Variants in PCDH7 observed in about 807,000 individuals in gnomAD.
PCDH7 encodes protocadherin 7.
Under a neutral mutation model 58.9 loss-of-function variants are expected in PCDH7, and 17 were observed. The ratio of observed to expected loss-of-function variants is 0.29; its 90% CI spans 0.20 to 0.43. The LOEUF is 0.43. Among genes scored for constraint, PCDH7 ranks in the 20% least tolerant of loss-of-function variants. PCDH7 has a pLI of 1.00. For synonymous variants in PCDH7, 664 were observed against 616.4 expected, an observed-to-expected ratio of 1.08 and a Z score of -1.14; for missense variants, 1,274 against 1,441.0, an observed-to-expected ratio of 0.88 and a Z score of 1.88.
chr4:30,739,162 A>T (rs985631279), intron 1 of PCDH7, among the ~76,000 whole-genome samples: 2 of 138,212 alleles, frequency 1.4e-5, no homozygotes, highest in African/African-American at 5.3e-5. Flanking sequence ...TATATATATT[A>T]TATATATATA....
At chr4:30,850,509 A>G (rs899540741) in intron 1 of PCDH7, among the ~76,000 whole-genome samples, 10 of 152,066 alleles carry the variant, frequency 6.6e-5, no homozygotes, top group African/African-American at 2.4e-4. Context: ...ATCCATTTAA[A>G]GTCTATAAAC....
At chr4:30,774,835 T>G (rs754811030) in intron 1 of PCDH7, among the ~76,000 whole-genome samples, 11 of 152,194 alleles carry the variant, frequency 7.2e-5, no homozygotes, top group African/African-American at 1.4e-4. Flanking sequence ...ACTGATAGTA[T>G]TTCTTAATCT....
At chr4:31,042,779 A>G (rs940861970) in intron 3 of PCDH7, among the ~76,000 whole-genome samples, 1 of 152,178 alleles carries the variant, frequency 6.6e-6, no homozygotes, top group African/African-American at 2.4e-5. Flanking sequence ...GCATAAAGGA[A>G]TTACTGTAAA....
intron 3 of PCDH7, among the ~76,000 whole-genome samples, chr4:31,059,529 G>A (rs1757519095): frequency 6.6e-6 from 1 of 151,696 alleles, no homozygotes; most frequent in African/African-American, 2.4e-5. Flanking sequence ...TAAGCTCCAT[G>A]TCACTTCAGT....
chr4:30,868,892 AC>A (rs1165945397), intron 1 of PCDH7: 1 of 152,100 alleles, frequency 6.6e-6, no homozygotes, highest in Non-Finnish European at 1.5e-5. Context: ...TTTTGTCTTT[AC>A]TTGTTGAAGT....
intron 1 of PCDH7, among the ~76,000 whole-genome samples, chr4:30,872,999 CA>C (rs1735819955): frequency 6.6e-6 from 1 of 152,056 alleles, no homozygotes. Context: ...CCTTATTACT[CA>C]GCAAAAGGAA....
intron 3 of PCDH7, among the ~76,000 whole-genome samples, chr4:31,039,178 C>T (rs1022191566): frequency 4.6e-5 from 7 of 152,056 alleles, no homozygotes; most frequent in African/African-American, 7.2e-5. Flanking sequence ...TTCAATTTGG[C>T]ATTCTCCTTT....
At position 30,870,437 on chromosome 4, in the gene PCDH7, A is replaced by T. The variant is rs547218811; in HGVS notation, c.71-49716A>T. On this transcript the variant is annotated intron_variant, in intron 1 of 3. Coordinates refer to the PCDH7 transcript ENST00000509759. ...TTTTAGGTCTTATGTAAGTCTTTAGATTTACTTTAAAAATAAAAAAAGAAG... is the reference window on the plus strand; with the variant it reads ...TTTTAGGTCTTATGTAAGTCTTTAGTTTTACTTTAAAAATAAAAAAAGAAG... 4.0e-5 allele frequency among the ~76,000 whole-genome samples: 6 copies of T among 151,874 alleles called. No homozygotes were observed. The South Asian group carries it at 1.2e-3, about 32-fold the overall frequency.
chr4:30,805,260 C>T (rs1286849799), intron 1 of PCDH7, among the ~76,000 whole-genome samples: 1 of 152,118 alleles, frequency 6.6e-6, no homozygotes, highest in Non-Finnish European at 1.5e-5. Context: ...CAAGTACTTA[C>T]CTGTCTTTCC....
At chr4:30,947,715 CCTT>C (rs1746876865) in intron 2 of PCDH7, among the ~76,000 whole-genome samples, 1 of 152,096 alleles carries the variant, frequency 6.6e-6, no homozygotes, top group Non-Finnish European at 1.5e-5. Context: ...CATTCAGTGT[CCTT>C]CTTCTAGCTA....
rs539624457 is a variant in PCDH7, at chr4:30,783,924, A to G, written c.70+59328A>G. Among the ~76,000 whole-genome samples, 23 of 152,180 alleles carry G rather than the reference A, an allele frequency of 1.5e-4. No individual in the cohort carries two copies. In the East Asian group the frequency reaches 4.1e-3, roughly 27 times the overall value. Reference sequence around the variant, plus strand: ...GCTGCTCAAGGAATGATGTGGCTTCATCTGCATTTGTTTGTGTATGTGTGT... The same window carrying G: ...GCTGCTCAAGGAATGATGTGGCTTCGTCTGCATTTGTTTGTGTATGTGTGT... On this transcript the variant is annotated intron_variant, in intron 1 of 3. Transcript: ENST00000509759.
At chr4:30,925,470 A>G (rs900170422) in intron 2 of PCDH7, among the ~76,000 whole-genome samples, 3 of 152,122 alleles carry the variant, frequency 2.0e-5, no homozygotes, top group South Asian at 4.1e-4. Flanking sequence ...ATCCTCATAT[A>G]CTTTTTAATG....
intron 3 of PCDH7, among the ~76,000 whole-genome samples, chr4:31,096,235 T>C (rs1248035650): frequency 2.0e-5 from 3 of 152,178 alleles, no homozygotes; most frequent in African/African-American, 7.2e-5. Flanking sequence ...CTGTTTCTGG[T>C]CTTTAGAATA....
At chr4:31,014,161 G>C (rs1753429117) in intron 3 of PCDH7, among the ~76,000 whole-genome samples, 1 of 151,902 alleles carries the variant, frequency 6.6e-6, no homozygotes, top group South Asian at 2.1e-4. Flanking sequence ...AAAGGAAGTG[G>C]CCTATTTAAA....
At chr4:30,760,373 G>A (rs1415447145) in intron 1 of PCDH7, among the ~76,000 whole-genome samples, 1 of 152,090 alleles carries the variant, frequency 6.6e-6, no homozygotes, top group South Asian at 2.1e-4. Context: ...AAGAAATAAA[G>A]GTATTCCAAT....
At chr4:30,933,619 C>T (rs1744960042) in intron 2 of PCDH7, among the ~76,000 whole-genome samples, 1 of 152,088 alleles carries the variant, frequency 6.6e-6, no homozygotes, top group Non-Finnish European at 1.5e-5. Flanking sequence ...TCATTTCTCT[C>T]CTTGCTTCTG....
At chr4:31,108,250 G>C (rs1462183296) in intron 3 of PCDH7, among the ~76,000 whole-genome samples, 1 of 151,396 alleles carries the variant, frequency 6.6e-6, no homozygotes, top group Non-Finnish European at 1.5e-5. Flanking sequence ...ATAAAATGTA[G>C]TGTAATAAAG....
chr4:30,914,787 G>T (rs976460823), intron 1 of PCDH7, among the ~76,000 whole-genome samples: 16 of 152,240 alleles, frequency 1.1e-4, no homozygotes, highest in African/African-American at 3.4e-4. Context: ...ATGTAAGTTA[G>T]CAAGGGGCAG....
chr4:30,756,682 T>C (rs1298131256), intron 1 of PCDH7, among the ~76,000 whole-genome samples: 1 of 152,194 alleles, frequency 6.6e-6, no homozygotes, highest in Non-Finnish European at 1.5e-5. Flanking sequence ...TCCTAAAACA[T>C]TGTTTCATTA....
Sources: allele counts gnomAD v4.1 joint callset (sites outside exome capture counted in the v4.1 genomes callset), GRCh38; gene constraint gnomAD v4.1.1; transcripts MANE v1.5; gene names NCBI Gene and HGNC (gene_info 2026-07-23, HGNC 2026-07-21).